The following TNC variants were observed in gnomAD, a reference collection of about 807,000 sequenced individuals.
The protein encoded by TNC is tenascin.
TNC carries 109 observed loss-of-function variants against 202.4 expected under a neutral mutation model. The observed-to-expected ratio is 0.54, with a 90% CI of 0.46 to 0.63. The LOEUF (loss-of-function observed/expected upper bound fraction) is 0.63. TNC is among the 30% of genes least tolerant of loss of function. The pLI is 0.00. For synonymous variants in TNC, 1,007 were observed against 1,089.7 expected, an observed-to-expected ratio of 0.92 and a Z score of 1.50; for missense variants, 2,756 against 2,833.3, an observed-to-expected ratio of 0.97 and a Z score of 0.62.
intron 6 of TNC, among the ~76,000 whole-genome samples, chr9:115,079,349 CAG>C (rs1021175010): frequency 6.6e-5 from 10 of 151,908 alleles, no homozygotes; most frequent in Admixed American, 5.9e-4. Context: ...GAGAAAACTG[CAG>C]AGTCTGTTTT....
rs1564102038 is a variant in TNC, at chr9:115,076,482, T to C, written c.2768A>G (p.Tyr923Cys). 1 of 1,614,250 alleles carries C rather than the reference T, an allele frequency of 6.2e-7. No individual in the cohort carries two copies. Among genetic ancestry groups the C allele is most frequent in the Non-Finnish European group, 8.5e-7 (1 of 1,180,050 alleles). ...AGAGATGGGGGCATACTTAATTCTG[T>C]AACTGTCAATAGCTGCCTTGCCATT... Reference protein sequence around the residue: ...WRNGKAAIDSYRIKYAPISGG... With the variant: ...WRNGKAAIDSCRIKYAPISGG... The change falls in exon 8 of 28, where the codon TAC becomes TGC. Residue 923 changes from tyrosine (Y) to cysteine (C), a missense_variant. By Grantham distance (194) the Tyr-to-Cys change is radical (BLOSUM62 -2). Around this residue, in one of 2 missense-constraint regions of TNC, gnomAD observed 2,559 missense variants for 2,546.0 expected, o/e 1.01. Transcript: ENST00000350763.
chr9:115,078,335 A>G (rs764275872), intron 6 of TNC, 123 bp from the exon 7 acceptor site: 68 of 1,182,824 alleles, frequency 5.7e-5, no homozygotes, highest in Non-Finnish European at 7.7e-5. Context: ...GCTTGACTTT[A>G]CTTTGCCTTT....
At chr9:115,080,165 A>G (rs1383284673) in intron 6 of TNC, among the ~76,000 whole-genome samples, 1 of 152,230 alleles carries the variant, frequency 6.6e-6, no homozygotes, top group Non-Finnish European at 1.5e-5. Flanking sequence ...TGCAACTTCA[A>G]ATGTTGGAAT....
chr9:115,059,735 G>A lies in TNC; in HGVS notation c.4301C>T (p.Ser1434Phe), dbSNP rs1357180962. 6.3e-7 allele frequency: 1 copy of A among 1,590,420 alleles called. No homozygotes were observed. Among genetic ancestry groups the A allele is most frequent in the Non-Finnish European group, 8.6e-7 (1 of 1,166,108 alleles). ...YRTPVLSAEA[S>F]TAKEPEIGNL... ...TTGACAGGGAGAGGAAGTACCTGTG[G>A]AGGCCTCAGCAGAGAGTACTGGTGT... The change falls in exon 14 of 28, where the codon TCC (serine) becomes TTC (phenylalanine). Residue 1434 changes from serine to phenylalanine, a missense_variant. By Grantham distance (155) the Ser-to-Phe change is radical. Transcript: ENST00000350763.
At chr9:115,029,513 C>G (rs923599655) in intron 24 of TNC, 57 bp from the exon 25 acceptor site, 3 of 1,525,678 alleles carry the variant, frequency 2.0e-6, no homozygotes, top group Non-Finnish European at 2.7e-6. Context: ...AAGAGGGCAT[C>G]GTTGTGAGAG....
At chr9:115,058,630 TC>T (rs1353028640) in intron 14 of TNC, among the ~76,000 whole-genome samples, 1 of 152,180 alleles carries the variant, frequency 6.6e-6, no homozygotes, top group East Asian at 1.9e-4. Flanking sequence ...TTTCTTTATC[TC>T]AGTGAAAATT....
At chr9:115,064,544 T>C (rs772658356) in intron 11 of TNC, 103 bp downstream of exon 11, 2 of 1,387,014 alleles carry the variant, frequency 1.4e-6, no homozygotes, top group Non-Finnish European at 2.0e-6. Flanking sequence ...TAGACATAAG[T>C]AGTGGCAGAA....
At position 115,084,355 on chromosome 9, in the gene TNC, C is replaced by A. The variant is rs760052760; in HGVS notation, c.1985G>T (p.Gly662Val). 6.2e-7 allele frequency: 1 copy of A among 1,614,224 alleles called. No homozygotes were observed. The highest frequency in any genetic ancestry group is 8.5e-7 in the Non-Finnish European group (1 of 1,180,044). ...CACACGGAACTGCATTTCCAGACCA[C>A]CCTCGTGGGTGGGCGTGTACACGAC... ...YLVVYTPTHE[G>V]GLEMQFRVPG... Residue 662 changes from glycine (G) to valine (V), a missense_variant, in exon 4 of 28, where the codon GGT becomes GTT. By Grantham distance (109) the Gly-to-Val change is moderately radical (BLOSUM62 -3). Transcript: ENST00000350763.
chr9:115,097,382 C>T (rs772921067), intron 1 of TNC, among the ~76,000 whole-genome samples: 14 of 152,092 alleles, frequency 9.2e-5, no homozygotes, highest in Non-Finnish European at 1.6e-4. Flanking sequence ...ATAGCAGCAG[C>T]GGTAATAACA....
chr9:115,047,378 A>G (rs563530838), intron 16 of TNC, among the ~76,000 whole-genome samples: 1 of 152,130 alleles, frequency 6.6e-6, no homozygotes, highest in African/African-American at 2.4e-5. Flanking sequence ...CCTTAACTAG[A>G]CAAAACTCAA....
intron 20 of TNC, 80 bp downstream of exon 20, chr9:115,038,181 C>G: frequency 6.5e-7 from 1 of 1,536,648 alleles, no homozygotes; most frequent in Non-Finnish European, 8.8e-7. Context: ...CCAAATGTGG[C>G]AGGGAGAAGA....
In TNC at chr9:115,108,240, C is replaced by T. The variant is rs145898363; in HGVS notation, c.-137+9742G>A. On this transcript the variant is annotated intron_variant, in intron 1 of 27. Coordinates refer to ENST00000350763, the MANE Select transcript of TNC (RefSeq NM_002160.4). The stretch of plus-strand genomic sequence containing the variant: ...TGCAGTCCCTTTAAAATCTATGAAG[C>T]CTTGTGCTCCAGTGAAGAATTTCCC... 6.0e-3 allele frequency among the ~76,000 whole-genome samples: 918 copies of T among 152,248 alleles called. 10 individuals carry two copies. The highest frequency in any genetic ancestry group is 0.021 in the African/African-American group (879 of 41,526).
At chr9:115,082,461 T>G (rs1328728010) in intron 5 of TNC, among the ~76,000 whole-genome samples, 1 of 152,232 alleles carries the variant, frequency 6.6e-6, no homozygotes, top group Non-Finnish European at 1.5e-5. Flanking sequence ...AACCTTGAGG[T>G]GACAACTTCT....
At chr9:115,041,136 T>C in intron 18 of TNC, 52 bp from the exon 19 acceptor site, 1 of 1,555,486 alleles carries the variant, frequency 6.4e-7, no homozygotes. Flanking sequence ...CTGACACTTA[T>C]TCACTGTTGC....
intron 15 of TNC, among the ~76,000 whole-genome samples, chr9:115,054,496 C>T (rs1831947109): frequency 6.6e-6 from 1 of 152,188 alleles, no homozygotes; most frequent in Non-Finnish European, 1.5e-5. Context: ...AGGATGCATG[C>T]TGGGATTCTT....
chr9:115,113,331 G>T (rs975719233), intron 1 of TNC, among the ~76,000 whole-genome samples: 1 of 152,200 alleles, frequency 6.6e-6, no homozygotes, highest in Non-Finnish European at 1.5e-5. Context: ...TTTCTGCATG[G>T]TATTGGGTAA....
intron 2 of TNC, 123 bp downstream of exon 2, chr9:115,090,439 A>G (rs866610218): frequency 1.7e-5 from 13 of 749,008 alleles, no homozygotes; most frequent in African/African-American, 7.0e-5. Flanking sequence ...TCTCTTTGTA[A>G]TGAACACTCT....
At chr9:115,021,382 C>A (rs1829057882) in intron 27 of TNC, 115 bp from the exon 28 acceptor site, 1 of 700,020 alleles carries the variant, frequency 1.4e-6, no homozygotes, top group African/African-American at 1.8e-5. Context: ...TAAATGAGTT[C>A]TGTTTCAATT....
chr9:115,077,449 C>T (rs1364129001), intron 7 of TNC, among the ~76,000 whole-genome samples: 2 of 152,254 alleles, frequency 1.3e-5, no homozygotes, highest in East Asian at 3.9e-4. Flanking sequence ...CATCAGCCTG[C>T]CAAGTGCTGG....
Sources: allele counts gnomAD v4.1 joint callset (sites outside exome capture counted in the v4.1 genomes callset), GRCh38; gene constraint gnomAD v4.1.1; regional missense constraint gnomAD v4.1.1; transcripts MANE v1.5; gene names NCBI Gene and HGNC (gene_info 2026-07-23, HGNC 2026-07-21).